Variants in PARD3B observed in about 807,000 individuals in gnomAD.
The protein encoded by PARD3B is par-3 family cell polarity regulator beta.
Under a neutral mutation model 130.2 loss-of-function variants are expected in PARD3B, and 103 were observed. The observed-to-expected ratio is 0.79, with a 90% CI of 0.67 to 0.93. The LOEUF is 0.93. Among genes scored for constraint, PARD3B ranks in the 40% least tolerant of loss-of-function variants. The probability of loss-of-function intolerance (pLI) is 0.00; values close to 1 mark genes in which losing one functional copy is unlikely to be tolerated. For synonymous variants in PARD3B, 583 were observed against 553.2 expected, an observed-to-expected ratio of 1.05 and a Z score of -0.76; for missense variants, 1,609 against 1,499.2, an observed-to-expected ratio of 1.07 and a Z score of -1.21.
chr2:204,943,152 GTA>G lies in PARD3B; in HGVS notation c.223-21998_223-21997del, dbSNP rs1267128083. The stretch of plus-strand genomic sequence containing the variant: ...GAAGTTTTTCACATTCTTAATGTGT[GTA>G]TGTGTGTGTGTGTATGTGTATGCAT... On this transcript the variant is annotated intron_variant, in intron 2 of 22. Coordinates refer to ENST00000406610, the MANE Select transcript of PARD3B (RefSeq NM_001302769.2). The surrounding 1 kb of genome is among the most constrained non-coding windows in gnomAD (Gnocchi z 4.2). 1.3e-5 allele frequency among the ~76,000 whole-genome samples: 2 copies of G among 152,068 alleles called. No homozygotes were observed. The highest frequency in any genetic ancestry group is 4.8e-5 in the African/African-American group (2 of 41,392).
At chr2:204,989,656 T>G (rs1298442329) in intron 3 of PARD3B, among the ~76,000 whole-genome samples, 1 of 152,152 alleles carries the variant, frequency 6.6e-6, no homozygotes, top group Non-Finnish European at 1.5e-5. Flanking sequence ...TTCATATCTC[T>G]ATGGAGTTCA....
rs199846021 is a variant in PARD3B at position 204,810,084 on chromosome 2, AT to A, written c.222+123813del. Among the ~76,000 whole-genome samples the A allele has an allele frequency of 7.1e-3, 1,060 of 148,842 alleles. 12 individuals are homozygous for A. Among genetic ancestry groups the A allele is most frequent in the African/African-American group, 0.022 (904 of 41,000 alleles). ...GAATGCTAGTGATTTTTTAACATTG[AT>A]TTTTTTTTTTAATCCTGAAATTTTG... On this transcript the variant is annotated intron_variant, in intron 2 of 22. Transcript: ENST00000406610.
intron 13 of PARD3B, among the ~76,000 whole-genome samples, chr2:205,178,783 G>T (rs976692968): frequency 6.6e-6 from 1 of 152,164 alleles, no homozygotes; most frequent in Non-Finnish European, 1.5e-5. Context: ...GCCACATAAT[G>T]ACATTTTGGT....
At chr2:205,311,380 T>C (rs1368522799) in intron 18 of PARD3B, among the ~76,000 whole-genome samples, 2 of 152,206 alleles carry the variant, frequency 1.3e-5, no homozygotes, top group Non-Finnish European at 2.9e-5. Flanking sequence ...CAGTGATGTC[T>C]CATTGTGGTT....
intron 2 of PARD3B, among the ~76,000 whole-genome samples, chr2:204,917,989 A>G (rs945821277): frequency 6.6e-6 from 1 of 152,206 alleles, no homozygotes; most frequent in Non-Finnish European, 1.5e-5. Flanking sequence ...AGCTTGCATT[A>G]TTGGTTATAG....
At chr2:204,713,058 G>A (rs1466265234) in intron 2 of PARD3B, among the ~76,000 whole-genome samples, 1 of 152,040 alleles carries the variant, frequency 6.6e-6, no homozygotes, top group African/African-American at 2.4e-5. Context: ...TTTCTAATGT[G>A]ACTGTATTTG....
chr2:205,361,353 A>ACAT (rs2044383049), intron 18 of PARD3B, among the ~76,000 whole-genome samples: 1 of 152,204 alleles, frequency 6.6e-6, no homozygotes, highest in Admixed American at 6.5e-5. Flanking sequence ...CCCATAGTAG[A>ACAT]CATAAATTTA....
intron 1 of PARD3B, among the ~76,000 whole-genome samples, chr2:204,565,817 CTCAG>C (rs1559159549): frequency 1.3e-5 from 2 of 152,174 alleles, no homozygotes; most frequent in Non-Finnish European, 2.9e-5. Flanking sequence ...CAGCCTGCAG[CTCAG>C]TCAGTCAATC....
chr2:205,609,732 G>A (rs2055161136), intron 22 of PARD3B, among the ~76,000 whole-genome samples: 1 of 152,150 alleles, frequency 6.6e-6, no homozygotes, highest in Non-Finnish European at 1.5e-5. Context: ...ACTTTCTGCT[G>A]CATATCTTAT....
chr2:205,517,430 TTCA>T (rs1225650796), intron 21 of PARD3B, among the ~76,000 whole-genome samples: 1 of 152,180 alleles, frequency 6.6e-6, no homozygotes, highest in East Asian at 1.9e-4. Flanking sequence ...TAATATTACC[TTCA>T]TCATTTGTAA....
intron 15 of PARD3B, among the ~76,000 whole-genome samples, chr2:205,223,509 C>T (rs1359307861): frequency 1.3e-5 from 2 of 152,164 alleles, no homozygotes; most frequent in African/African-American, 4.8e-5. Context: ...GTGACTGCTG[C>T]TCATGAAGAC....
chr2:205,331,265 C>CCACACACACA (rs56170026), intron 18 of PARD3B, among the ~76,000 whole-genome samples: 1,957 of 148,696 alleles, frequency 0.013, 29 homozygotes, highest in Middle Eastern at 0.014. Flanking sequence ...CACATATATT[C>CCACACACACA]CACACACACA....
chr2:204,582,263 T>G (rs2032595084), intron 1 of PARD3B, among the ~76,000 whole-genome samples: 1 of 152,232 alleles, frequency 6.6e-6, no homozygotes, highest in Non-Finnish European at 1.5e-5. Context: ...TAAATTCATG[T>G]CTACCTAGTT....
chr2:205,385,847 T>G (rs769621385), intron 18 of PARD3B, among the ~76,000 whole-genome samples: 1 of 152,168 alleles, frequency 6.6e-6, no homozygotes, highest in Non-Finnish European at 1.5e-5. Flanking sequence ...ACCAATACTT[T>G]GCAAATTGGG....
chr2:204,976,085 TTTCATCTCTAA>T (rs1342542622), intron 3 of PARD3B, among the ~76,000 whole-genome samples: 2 of 152,156 alleles, frequency 1.3e-5, no homozygotes, highest in African/African-American at 4.8e-5. Context: ...TAGGCAAAAT[TTTCATCTCTAA>T]TTCGTCTCTT....
At chr2:204,829,156 T>C (rs1355094946) in intron 2 of PARD3B, among the ~76,000 whole-genome samples, 1 of 152,240 alleles carries the variant, frequency 6.6e-6, no homozygotes, top group Non-Finnish European at 1.5e-5. Flanking sequence ...AGAAGTGAGC[T>C]ATATGTTATA....
chr2:205,501,439 G>T (rs975027679), intron 21 of PARD3B, among the ~76,000 whole-genome samples: 2 of 152,182 alleles, frequency 1.3e-5, no homozygotes, highest in Non-Finnish European at 2.9e-5. Flanking sequence ...GATTTCCACA[G>T]AATAACAGAT....
intron 22 of PARD3B, among the ~76,000 whole-genome samples, chr2:205,598,326 A>G (rs934069210): frequency 6.6e-6 from 1 of 152,152 alleles, no homozygotes; most frequent in Non-Finnish European, 1.5e-5. Context: ...CTTCTATCAG[A>G]TAAAACAGAC....
rs6435292 is a variant in PARD3B at position 205,585,863 on chromosome 2, C to T, written c.3261-29593C>T. On this transcript the variant is annotated intron_variant, in intron 22 of 22. Coordinates refer to ENST00000406610, the MANE Select transcript of PARD3B (RefSeq NM_001302769.2). The surrounding 1 kb of genome is among the most constrained non-coding windows in gnomAD (Gnocchi z 5.4). ...CTGTGGATGATAAGTATCCACCCTCCGGCCACAGCAGGTCTGGTGGTCACG... is the reference window on the plus strand; with the variant it reads ...CTGTGGATGATAAGTATCCACCCTCTGGCCACAGCAGGTCTGGTGGTCACG... Among the ~76,000 whole-genome samples the T allele has an allele frequency of 0.92, 140,295 of 152,152 alleles. 65,753 individuals are homozygous for T. The highest frequency in any genetic ancestry group is 1 in the East Asian group (5,164 of 5,164).
Sources: gnomAD v4.1 joint callset for allele counts (sites outside exome capture counted in the v4.1 genomes callset) on GRCh38, gnomAD v4.1.1 for gene constraint, Gnocchi (gnomAD v3.1) non-coding constraint, MANE v1.5 for transcripts, NCBI Gene and HGNC (gene_info 2026-07-23, HGNC 2026-07-21) for gene names.